MYO1E: variants seen among roughly 807,000 people sequenced by gnomAD.
The protein encoded by MYO1E is myosin IE.
MYO1E carries 68 observed loss-of-function variants against 151.1 expected under a neutral mutation model. That is an observed-to-expected ratio of 0.45 (90% CI 0.37 to 0.55). The LOEUF is 0.55. MYO1E is among the 20% of genes least tolerant of loss of function. The pLI is 0.00. For missense variants in MYO1E, 1,363 were observed against 1,389.3 expected, an observed-to-expected ratio of 0.98 and a Z score of 0.30; for synonymous variants, 601 against 501.7, an observed-to-expected ratio of 1.20 and a Z score of -2.64.
chr15:59,198,821 G>GA (rs1566976563), intron 16 of MYO1E, among the ~76,000 whole-genome samples: 26 of 47,538 alleles, frequency 5.5e-4, no homozygotes, highest in African/African-American at 9.1e-4. Context: ...TCCATCTCAA[G>GA]AAAAAAAACA....
At chr15:59,340,091 G>T (rs1216201342) in intron 1 of MYO1E, among the ~76,000 whole-genome samples, 1 of 152,028 alleles carries the variant, frequency 6.6e-6, no homozygotes, top group South Asian at 2.1e-4. Flanking sequence ...CCTGACCTCA[G>T]GTGATCTGCC....
intron 1 of MYO1E, among the ~76,000 whole-genome samples, chr15:59,330,145 A>G (rs1167415785): frequency 6.6e-6 from 1 of 152,184 alleles, no homozygotes; most frequent in African/African-American, 2.4e-5. Context: ...ACGGTCAATG[A>G]AAAACCACAG....
intron 1 of MYO1E, among the ~76,000 whole-genome samples, chr15:59,309,095 C>T (rs989673269): frequency 5.3e-5 from 8 of 151,776 alleles, no homozygotes; most frequent in African/African-American, 1.9e-4. Flanking sequence ...GCCTGGGTGA[C>T]AGAGTGAGAC....
chr15:59,151,273 CA>C (rs1334647338), intron 26 of MYO1E, among the ~76,000 whole-genome samples: 2 of 151,128 alleles, frequency 1.3e-5, no homozygotes, highest in African/African-American at 4.9e-5. Context: ...AAAAAAAAAC[CA>C]AAAAAATTAG....
chr15:59,353,774 A>AGG lies in MYO1E; in HGVS notation c.3+18723_3+18724insCC, dbSNP rs1390106377. Among the ~76,000 whole-genome samples the AGG allele has an allele frequency of 7.0e-3, 985 of 141,076 alleles. 7 individuals carry two copies. Among genetic ancestry groups the AGG allele is most frequent in the African/African-American group, 0.024 (919 of 39,044 alleles). 92.6% of individuals were successfully genotyped at this position (141,076 alleles called of 152,430 possible). A position where few individuals can be genotyped will look rare whatever the true frequency, so the allele number is the denominator to read the frequency against. On this transcript the variant is annotated intron_variant, in intron 1 of 27. Transcript: ENST00000288235. ...CTCCGTCTCAAAAAAAAAAAAAAACAAAGAAAGAAAAAAACGCAAAGGTAA... is the reference window on the plus strand; with the variant it reads ...CTCCGTCTCAAAAAAAAAAAAAAACAGGAAGAAAGAAAAAAACGCAAAGGTAA...
Position 59,350,960 on chromosome 15 carries a change from G to A in MYO1E, c.3+21538C>T, listed in dbSNP as rs1320912895. On this transcript the variant is annotated intron_variant, in intron 1 of 27. Coordinates refer to ENST00000288235, the MANE Select transcript of MYO1E (RefSeq NM_004998.4). The surrounding 1 kb of genome is among the most constrained non-coding windows in gnomAD (Gnocchi z 5.0). ...CACCCAGGCTGGCGTGCAGTGGCGCGATCTCGGCTCAATGCAAGCTCCGCC... is the reference window on the plus strand; with the variant it reads ...CACCCAGGCTGGCGTGCAGTGGCGCAATCTCGGCTCAATGCAAGCTCCGCC... Among the ~76,000 whole-genome samples the A allele has an allele frequency of 2.0e-5, 3 of 152,178 alleles. No individual in the cohort carries two copies. Among genetic ancestry groups the A allele is most frequent in the Non-Finnish European group, 2.9e-5 (2 of 68,032 alleles).
rs908266208 is a variant in MYO1E at position 59,161,088 on chromosome 15, G to C, written c.2770C>G (p.Leu924Val). ...KVLQVSIGPG[L>V]PKNSRPTRRN... is the part of the protein sequence containing the mutation. ...GAGCACTTACGGGAGTTCTTGGGCAGTCCAGGTCCGATGCTGACCTGCAGC... is the reference window on the plus strand; with the variant it reads ...GAGCACTTACGGGAGTTCTTGGGCACTCCAGGTCCGATGCTGACCTGCAGC... Residue 924 changes from leucine to valine, a missense_variant, in exon 24 of 28, where the codon CTG becomes GTG. Leu to Val is a conservative substitution (Grantham distance 32). Coordinates refer to ENST00000288235, the MANE Select transcript of MYO1E (RefSeq NM_004998.4). 7.4e-6 allele frequency: 12 copies of C among 1,613,598 alleles called. No individual in the cohort carries two copies. The highest frequency in any genetic ancestry group is 1.1e-5 in the South Asian group (1 of 91,056).
In MYO1E at chr15:59,267,378, C is replaced by T. The variant is rs568518528; in HGVS notation, c.147+4928G>A. On this transcript the variant is annotated intron_variant, in intron 2 of 27. Coordinates refer to ENST00000288235, the MANE Select transcript of MYO1E (RefSeq NM_004998.4). ...ATTTCCCAAAACCACCTACGCTGGTCGAGTGGACTTCCTTGGGTTCATCCC... is the reference window on the plus strand; with the variant it reads ...ATTTCCCAAAACCACCTACGCTGGTTGAGTGGACTTCCTTGGGTTCATCCC... 2.5e-4 allele frequency among the ~76,000 whole-genome samples: 38 copies of T among 152,316 alleles called. No homozygotes were observed. In the East Asian group the frequency reaches 2.5e-3, roughly 10 times the overall value.
chr15:59,317,964 G>A (rs1243507949), intron 1 of MYO1E, among the ~76,000 whole-genome samples: 1 of 152,190 alleles, frequency 6.6e-6, no homozygotes, highest in Admixed American at 6.5e-5. Context: ...TTTCAAGGTA[G>A]CTAGTAAGTC....
chr15:59,310,978 C>T (rs1396578125), intron 1 of MYO1E, among the ~76,000 whole-genome samples: 1 of 152,104 alleles, frequency 6.6e-6, no homozygotes, highest in East Asian at 1.9e-4. Flanking sequence ...CTGCCTGTCC[C>T]ACGTACTCAT....
chr15:59,149,499 T>G (rs929737785), intron 26 of MYO1E, among the ~76,000 whole-genome samples: 1 of 152,206 alleles, frequency 6.6e-6, no homozygotes, highest in Non-Finnish European at 1.5e-5. Context: ...TCTCAGTGTT[T>G]CCTGGAGAAT....
chr15:59,222,385 G>A (rs2079961424), intron 9 of MYO1E, among the ~76,000 whole-genome samples: 1 of 152,182 alleles, frequency 6.6e-6, no homozygotes, highest in Non-Finnish European at 1.5e-5. Context: ...CTGTATTTAT[G>A]GTAGATTTTG....
chr15:59,345,284 T>C (rs1302275492), intron 1 of MYO1E, among the ~76,000 whole-genome samples: 3 of 151,462 alleles, frequency 2.0e-5, no homozygotes, highest in African/African-American at 4.9e-5. Flanking sequence ...AAGTGCAGAA[T>C]ATTGCAGAAG....
chr15:59,246,258 C>T (rs552776331), intron 4 of MYO1E, among the ~76,000 whole-genome samples: 1 of 152,282 alleles, frequency 6.6e-6, no homozygotes, highest in South Asian at 2.1e-4. Flanking sequence ...GCTGGGATTA[C>T]AGGTGCCTGC....
intron 2 of MYO1E, among the ~76,000 whole-genome samples, chr15:59,269,425 C>T (rs1596393298): frequency 6.6e-6 from 1 of 152,340 alleles, no homozygotes; most frequent in African/African-American, 2.4e-5. Flanking sequence ...TGCCAGTTTT[C>T]ATGTGCTGTG....
chr15:59,177,068 C>T (rs1192782026), intron 19 of MYO1E, among the ~76,000 whole-genome samples: 1 of 152,130 alleles, frequency 6.6e-6, no homozygotes, highest in Non-Finnish European at 1.5e-5. Context: ...AAAGTAACAG[C>T]GGGTATGAAA....
chr15:59,230,423 A>G (rs7179352), intron 6 of MYO1E, among the ~76,000 whole-genome samples: 37,338 of 151,894 alleles, frequency 0.25, 4,879 homozygotes, highest in African/African-American at 0.33. Flanking sequence ...GAAAATATCA[A>G]TTTAATTGTT....
chr15:59,368,722 G>A (rs1411736071), intron 1 of MYO1E, among the ~76,000 whole-genome samples: 1 of 152,056 alleles, frequency 6.6e-6, no homozygotes, highest in East Asian at 1.9e-4. Context: ...CTCCAGCCCG[G>A]GCGACAGTGA....
intron 1 of MYO1E, among the ~76,000 whole-genome samples, chr15:59,288,694 G>A (rs1192818143): frequency 6.6e-6 from 1 of 152,158 alleles, no homozygotes; most frequent in African/African-American, 2.4e-5. Context: ...AGGAGGGACA[G>A]GATTCAAATA....
Sources: allele counts gnomAD v4.1 joint callset (sites outside exome capture counted in the v4.1 genomes callset), GRCh38; gene constraint gnomAD v4.1.1; non-coding constraint Gnocchi (gnomAD v3.1); transcripts MANE v1.5; gene names NCBI Gene and HGNC (gene_info 2026-07-23, HGNC 2026-07-21).